WDR35: variants seen among roughly 807,000 people sequenced by gnomAD.
WDR35 encodes the protein WD repeat-containing protein 35.
In WDR35, 118 loss-of-function variants were observed where a neutral mutation model predicts 158.3. That is an observed-to-expected ratio of 0.75 (90% confidence interval 0.64 to 0.87). The LOEUF is 0.87. Among genes scored for constraint, WDR35 ranks in the 40% least tolerant of loss-of-function variants. The pLI, the probability that WDR35 is intolerant of heterozygous loss-of-function variation, is 0.00. For synonymous variants in WDR35, 448 were observed against 476.1 expected (o/e 0.94, Z 0.77); for missense variants, 1,263 against 1,405.8 (o/e 0.90, Z 1.62).
At chr2:19,977,484 A>G (rs771643187) in intron 5 of WDR35, among the ~76,000 whole-genome samples, 7 of 152,154 alleles carry the variant, frequency 4.6e-5, no homozygotes, top group Non-Finnish European at 7.4e-5. Context: ...CTGCCTCCTG[A>G]GTATGTATAA....
intron 12 of WDR35, 198 bp from the exon 13 acceptor site, chr2:19,951,682 A>G (rs1214725502): frequency 2.1e-6 from 1 of 470,946 alleles, no homozygotes; most frequent in Non-Finnish European, 3.8e-6. Flanking sequence ...AGTTATATAA[A>G]TGATACGTTC....
At chr2:19,944,557 T>A (rs560942510) in intron 16 of WDR35, among the ~76,000 whole-genome samples, 1 of 152,066 alleles carries the variant, frequency 6.6e-6, no homozygotes, top group Non-Finnish European at 1.5e-5. Flanking sequence ...CCTGTCAAAT[T>A]CCCACAATTG....
At chr2:19,921,877 A>C (rs1251098308) in intron 25 of WDR35, among the ~76,000 whole-genome samples, 1 of 152,264 alleles carries the variant, frequency 6.6e-6, no homozygotes, top group Non-Finnish European at 1.5e-5. Context: ...TTTACAAGAA[A>C]AAAACAAATA....
intron 2 of WDR35, among the ~76,000 whole-genome samples, chr2:19,983,098 T>C (rs1328249627): frequency 6.6e-6 from 1 of 152,138 alleles, no homozygotes; most frequent in Admixed American, 6.5e-5. Flanking sequence ...AATGTAACTA[T>C]AAACTGGGAA....
intron 16 of WDR35, among the ~76,000 whole-genome samples, chr2:19,944,043 A>AGATCC (rs1468053102): frequency 6.4e-4 from 98 of 152,216 alleles, no homozygotes; most frequent in African/African-American, 2.1e-3. Flanking sequence ...ATATAATAGT[A>AGATCC]TGTAAAACAG....
chr2:19,939,222 T>C (rs1670795615), intron 17 of WDR35, among the ~76,000 whole-genome samples: 1 of 152,206 alleles, frequency 6.6e-6, no homozygotes, highest in Non-Finnish European at 1.5e-5. Context: ...CTAATAGCTT[T>C]GAATTCATTT....
rs56395266 is a variant in WDR35 at position 19,930,498 on chromosome 2, G to A, written c.3019C>T (p.Arg1007Cys). The A allele has an allele frequency of 0.018, 28,318 of 1,614,066 alleles. 329 individuals are homozygous for A. Among genetic ancestry groups the A allele is most frequent in the Non-Finnish European group, 0.022 (26,240 of 1,180,024 alleles). ...LEEEVLSTTD[R>C]FTDNAWRGAE... ...CCTCTCCATGCATTATCTGTGAAAC[G>A]ATCTGTTGTAGACAGAACTTCTTCT... Residue 1007 changes from arginine to cysteine, a missense_variant, in exon 25 of 27, where the codon CGT (arginine) becomes TGT (cysteine). By Grantham distance (180) the Arg-to-Cys change is radical (BLOSUM62 -3). Coordinates refer to ENST00000281405, the MANE Select transcript of WDR35 (RefSeq NM_020779.4).
intron 9 of WDR35, among the ~76,000 whole-genome samples, chr2:19,968,917 A>T (rs1435762248): frequency 6.6e-6 from 1 of 152,000 alleles, no homozygotes; most frequent in Non-Finnish European, 1.5e-5. Context: ...GTTTCTACGA[A>T]CTCCGTCACC....
rs138306490 is a variant in WDR35 at position 19,929,388 on chromosome 2, A to G, written c.3121+1008T>C. On this transcript the variant is annotated intron_variant, in intron 25 of 26. Coordinates refer to ENST00000281405, the MANE Select transcript of WDR35 (RefSeq NM_020779.4). ...ATTAGGATTAGAGTGTGATGTGCATATGGTGATGATGTGAGCAGCAAATGG... is the reference window on the plus strand; with the variant it reads ...ATTAGGATTAGAGTGTGATGTGCATGTGGTGATGATGTGAGCAGCAAATGG... Among the ~76,000 whole-genome samples the G allele has an allele frequency of 2.4e-3, 369 of 152,300 alleles. 6 individuals carry two copies. Among genetic ancestry groups the G allele is most frequent in the African/African-American group, 8.6e-3 (356 of 41,578 alleles).
Position 19,931,359 on chromosome 2 carries a change from C to T in WDR35, c.2874G>A (p.Lys958=). The T allele has an allele frequency of 6.2e-7, 1 of 1,613,466 alleles. No homozygotes were observed. ...KKGSKPLRVK[K]LYVLSALLIE... is the part of the protein sequence containing the mutation. ...TAAGTAAGGCTGACAGTACATAGAG[C>T]TTCTTGACACGTAAAGGTTTACTTC... Residue 958 remains lysine (K), a synonymous_variant, in exon 24 of 27, where the codon AAG becomes AAA. Coordinates refer to ENST00000281405, the MANE Select transcript of WDR35 (RefSeq NM_020779.4).
At chr2:19,920,311 C>T (rs916023019) in intron 25 of WDR35, among the ~76,000 whole-genome samples, 2 of 152,204 alleles carry the variant, frequency 1.3e-5, no homozygotes, top group Non-Finnish European at 2.9e-5. Flanking sequence ...CCCTGATGAA[C>T]ATCTATGAGA....
At chr2:19,947,167 T>G (rs1671087035) in intron 14 of WDR35, among the ~76,000 whole-genome samples, 1 of 152,204 alleles carries the variant, frequency 6.6e-6, no homozygotes, top group Non-Finnish European at 1.5e-5. Flanking sequence ...ATATCAACAG[T>G]AAGTATAATG....
At position 19,914,206 on chromosome 2, in the gene WDR35, A is replaced by G. The variant is rs200258619; in HGVS notation, c.3193T>C (p.Cys1065Arg). The change falls in exon 26 of 27, where the codon TGC becomes CGC. Residue 1065 changes from cysteine to arginine, a missense_variant. Coordinates refer to ENST00000281405, the MANE Select transcript of WDR35 (RefSeq NM_020779.4). ...CAAGTCCCAAAGGCTCTGCTGGCGC[A>G]TGCGCAGAGTGCTAGCAGAGAGTAG... ...EIYSLLALCACASRAFGTCSK... is the reference protein window; with the variant it reads ...EIYSLLALCARASRAFGTCSK... The G allele has an allele frequency of 1.9e-6, 3 of 1,614,146 alleles. No homozygotes were observed. In the Admixed American group the frequency reaches 5.0e-5, roughly 27 times the overall value.
chr2:19,962,169 G>T, intron 10 of WDR35: 1 of 963,966 alleles, frequency 1.0e-6, no homozygotes, highest in Non-Finnish European at 1.6e-6. Context: ...ATTTTTATCT[G>T]TTAATTCCAT....
chr2:19,969,893 G>A (rs1289711376), intron 8 of WDR35, among the ~76,000 whole-genome samples: 8 of 151,726 alleles, frequency 5.3e-5, no homozygotes, highest in African/African-American at 1.7e-4. Flanking sequence ...GACTACAGGC[G>A]CCCGCCACCA....
intron 11 of WDR35, among the ~76,000 whole-genome samples, chr2:19,959,017 A>C (rs767792059): frequency 2.6e-5 from 4 of 152,128 alleles, no homozygotes; most frequent in Non-Finnish European, 5.9e-5. Flanking sequence ...TAGTCCTCAT[A>C]AACATTTGGC....
At chr2:19,916,028 G>T (rs544549535) in intron 25 of WDR35, among the ~76,000 whole-genome samples, 1 of 151,858 alleles carries the variant, frequency 6.6e-6, no homozygotes, top group Non-Finnish European at 1.5e-5. Context: ...GGTGATTTCC[G>T]CATTTCCAAC....
chr2:19,914,737 T>C (rs950744544), intron 25 of WDR35, among the ~76,000 whole-genome samples: 1 of 152,222 alleles, frequency 6.6e-6, no homozygotes, highest in African/African-American at 2.4e-5. Context: ...TTCTTTTCTC[T>C]GTGTTTCTTT....
chr2:19,913,718 G>A lies in WDR35; in HGVS notation c.3363-10C>T, dbSNP rs373583891. On this transcript the variant is annotated splice_polypyrimidine_tract_variant and intron_variant, in intron 26 of 26. Coordinates refer to ENST00000281405, the MANE Select transcript of WDR35 (RefSeq NM_020779.4). Reference sequence around the variant, plus strand: ...CAGTTTCCCTTCTCCACTGTAAAACGGGGAGAAACAATTCATTATACTTTA... The same window carrying A: ...CAGTTTCCCTTCTCCACTGTAAAACAGGGAGAAACAATTCATTATACTTTA... The A allele has an allele frequency of 5.1e-5, 82 of 1,613,708 alleles. No individual in the cohort carries two copies. The highest frequency in any genetic ancestry group is 6.0e-5 in the Non-Finnish European group (71 of 1,179,934).
Sources: allele counts gnomAD v4.1 joint callset (sites outside exome capture counted in the v4.1 genomes callset), GRCh38; gene constraint gnomAD v4.1.1; transcripts MANE v1.5; gene names NCBI Gene and HGNC (gene_info 2026-07-23, HGNC 2026-07-21).